The following PRKN variants were observed in gnomAD, a reference collection of about 807,000 sequenced individuals.
The protein encoded by PRKN is E3 ubiquitin-protein ligase parkin.
PRKN carries 56 observed loss-of-function variants against 59.5 expected under a neutral mutation model. That is an observed-to-expected ratio of 0.94 (90% CI 0.76 to 1.18). The LOEUF is 1.18. Ranked by LOEUF, PRKN falls within the 50% of genes most tolerant of loss-of-function variation. The probability of loss-of-function intolerance (pLI) is 0.00; values close to 1 mark genes in which losing one functional copy is unlikely to be tolerated. For synonymous variants in PRKN, 250 were observed against 222.1 expected (o/e 1.13, Z -1.12); for missense variants, 657 against 596.4 (o/e 1.10, Z -1.06).
intron 9 of PRKN, among the ~76,000 whole-genome samples, chr6:161,453,816 TA>T (rs1789852101): frequency 6.9e-6 from 1 of 145,158 alleles, no homozygotes; most frequent in Non-Finnish European, 1.5e-5. Flanking sequence ...CAAAAAAAGT[TA>T]ACTTTATGAT....
intron 6 of PRKN, among the ~76,000 whole-genome samples, chr6:161,801,809 A>G (rs937844537): frequency 6.6e-6 from 1 of 152,012 alleles, no homozygotes; most frequent in African/African-American, 2.4e-5. Flanking sequence ...AGGACTGGGC[A>G]CCCCAGGTTT....
intron 1 of PRKN, among the ~76,000 whole-genome samples, chr6:162,535,992 A>C (rs1261662711): frequency 6.6e-6 from 1 of 152,080 alleles, no homozygotes; most frequent in East Asian, 1.9e-4. Context: ...TCTCTCTCCA[A>C]CAACAATTAA....
intron 1 of PRKN, among the ~76,000 whole-genome samples, chr6:162,564,153 T>C (rs1373954040): frequency 1.5e-4 from 23 of 152,024 alleles, no homozygotes; most frequent in Non-Finnish European, 1.9e-4. Flanking sequence ...GAGACCATCC[T>C]GGCCAACATG....
chr6:161,733,704 T>C lies in PRKN; in HGVS notation c.871+52068A>G, dbSNP rs115351192. ...ACTGCTGACCATTTCTTTCCAAAAA[T>C]AGTGACTTGGGGTCAGTGGATCATT... is the stretch of plus-strand genomic sequence containing the variant. On this transcript the variant is annotated intron_variant, in intron 7 of 11. Coordinates refer to ENST00000366898, the MANE Select transcript of PRKN (RefSeq NM_004562.3). Among the ~76,000 whole-genome samples, 840 of 149,542 alleles carry C rather than the reference T, an allele frequency of 5.6e-3. 10 individuals are homozygous for C. The highest frequency in any genetic ancestry group is 0.02 in the African/African-American group (816 of 40,560).
At chr6:162,628,357 G>A (rs990538396) in intron 1 of PRKN, among the ~76,000 whole-genome samples, 2 of 152,040 alleles carry the variant, frequency 1.3e-5, no homozygotes, top group South Asian at 4.2e-4. Flanking sequence ...AAATAACCTC[G>A]GAGATGAAGA....
chr6:161,730,563 T>C (rs1274717450), intron 7 of PRKN, among the ~76,000 whole-genome samples: 2 of 151,670 alleles, frequency 1.3e-5, no homozygotes, highest in African/African-American at 4.9e-5. Flanking sequence ...ATATGTTGCA[T>C]TCTTTCTGAT....
At chr6:162,112,261 C>G (rs796616329) in intron 4 of PRKN, among the ~76,000 whole-genome samples, 49 of 152,248 alleles carry the variant, frequency 3.2e-4, no homozygotes, top group African/African-American at 9.1e-4. Flanking sequence ...AAGACCAGAC[C>G]TCTTCATGTG....
At chr6:162,365,176 G>A (rs1785369067) in intron 2 of PRKN, among the ~76,000 whole-genome samples, 1 of 151,860 alleles carries the variant, frequency 6.6e-6, no homozygotes, top group South Asian at 2.1e-4. Flanking sequence ...AAAGTAAAAA[G>A]TCAAAGTCCC....
intron 1 of PRKN, among the ~76,000 whole-genome samples, chr6:162,490,807 T>G (rs1019144847): frequency 6.6e-6 from 1 of 152,112 alleles, no homozygotes. Context: ...CATCCAGACC[T>G]CAGCACTGCC....
At chr6:162,543,841 A>G (rs1779016165) in intron 1 of PRKN, among the ~76,000 whole-genome samples, 1 of 152,138 alleles carries the variant, frequency 6.6e-6, no homozygotes, top group East Asian at 1.9e-4. Flanking sequence ...AGCTAAACAA[A>G]CAAAAAAACA....
intron 1 of PRKN, among the ~76,000 whole-genome samples, chr6:162,600,772 C>T (rs950123762): frequency 1.3e-5 from 2 of 152,128 alleles, no homozygotes; most frequent in Non-Finnish European, 2.9e-5. Context: ...TCTCACTCTT[C>T]CTCCTGCTAT....
intron 3 of PRKN, among the ~76,000 whole-genome samples, chr6:162,256,292 A>G (rs572877758): frequency 1.3e-5 from 2 of 152,266 alleles, no homozygotes; most frequent in Admixed American, 1.3e-4. Flanking sequence ...TAGACCATAA[A>G]TTCTTGATTT....
At position 162,147,023 on chromosome 6, in the gene PRKN, G is replaced by C. The variant is rs377170438; in HGVS notation, c.534+54108C>G. Among the ~76,000 whole-genome samples the C allele has an allele frequency of 1.2e-3, 176 of 150,664 alleles. No individual in the cohort carries two copies. The Middle Eastern group carries it at 0.017, about 15-fold the overall frequency. The stretch of plus-strand genomic sequence containing the variant: ...TGGGATTACAGGCCTGAGCTACCGT[G>C]CCCGGCCTTTTTTTATTTTGTCTAA... On this transcript the variant is annotated intron_variant, in intron 4 of 11. Transcript: ENST00000366898.
At chr6:162,137,689 G>A (rs1781605746) in intron 4 of PRKN, among the ~76,000 whole-genome samples, 1 of 152,188 alleles carries the variant, frequency 6.6e-6, no homozygotes, top group African/African-American at 2.4e-5. Flanking sequence ...AATGGCAAGA[G>A]AGAGCAAAGG....
intron 2 of PRKN, among the ~76,000 whole-genome samples, chr6:162,263,490 C>T (rs1779988792): frequency 6.6e-6 from 1 of 152,150 alleles, no homozygotes. Flanking sequence ...CATTCTCTTT[C>T]TGACGATTTA....
intron 6 of PRKN, among the ~76,000 whole-genome samples, chr6:161,787,734 C>A (rs1790478627): frequency 6.6e-6 from 1 of 152,140 alleles, no homozygotes; most frequent in African/African-American, 2.4e-5. Flanking sequence ...ATCACGAGGT[C>A]AGGAGATGGA....
intron 10 of PRKN, among the ~76,000 whole-genome samples, chr6:161,374,027 T>A (rs1644049870): frequency 6.6e-6 from 1 of 152,160 alleles, no homozygotes; most frequent in South Asian, 2.1e-4. Flanking sequence ...AAATCCAGCA[T>A]TTTCCTTAAG....
In PRKN at chr6:161,550,144, G is replaced by T. The variant is rs1411335940; in HGVS notation, c.934-1141C>A. Among the ~76,000 whole-genome samples the T allele has an allele frequency of 6.6e-6, 1 of 152,204 alleles. No homozygotes were observed. Among genetic ancestry groups the T allele is most frequent in the Non-Finnish European group, 1.5e-5 (1 of 68,048 alleles). On this transcript the variant is annotated intron_variant, in intron 8 of 11. Coordinates refer to ENST00000366898, the MANE Select transcript of PRKN (RefSeq NM_004562.3). The surrounding 1 kb of genome is among the most constrained non-coding windows in gnomAD (Gnocchi z 4.0). The stretch of plus-strand genomic sequence containing the variant: ...GCAGAGAATACTATAAGGGGCCAGA[G>T]CCCCAGTGTGCTGATGTGGTTGGCT...
chr6:162,191,455 A>AT (rs888303143), intron 4 of PRKN, among the ~76,000 whole-genome samples: 5 of 152,004 alleles, frequency 3.3e-5, no homozygotes, highest in Non-Finnish European at 7.4e-5. Context: ...GTATTTATTT[A>AT]TTTTTGAGAC....
Sources: allele counts gnomAD v4.1 joint callset (sites outside exome capture counted in the v4.1 genomes callset), GRCh38; gene constraint gnomAD v4.1.1; non-coding constraint Gnocchi (gnomAD v3.1); transcripts MANE v1.5; gene names NCBI Gene and HGNC (gene_info 2026-07-23, HGNC 2026-07-21).